The following IFT27 variants were observed in gnomAD, a reference collection of about 807,000 sequenced individuals.
The protein encoded by IFT27 is intraflagellar transport protein 27 homolog.
Under a neutral mutation model 23.9 loss-of-function variants are expected in IFT27, and 19 were observed. The ratio of observed to expected loss-of-function variants is 0.79; its 90% CI spans 0.55 to 1.16. The LOEUF is 1.16. Among genes scored for constraint, IFT27 ranks in the 50% most tolerant of loss-of-function variants. The pLI is 0.00. For missense variants in IFT27, 206 were observed against 228.7 expected, an observed-to-expected ratio of 0.90 and a Z score of 0.64; for synonymous variants, 91 against 89.1, an observed-to-expected ratio of 1.02 and a Z score of -0.12.
At position 36,762,906 on chromosome 22, in the gene IFT27, CG is replaced by C. The variant is rs1938132340; in HGVS notation, c.459del (p.Val154Ter). 1 of 1,563,410 alleles carries C rather than the reference CG, an allele frequency of 6.4e-7. No individual in the cohort carries two copies. Among genetic ancestry groups the C allele is most frequent in the Non-Finnish European group, 8.7e-7 (1 of 1,147,428 alleles). ...ACGAGGCAAGTGGAAATACTCACCA[CG>C]GATGTTTCAAAACATTCCAGGCCCT... Reference protein sequence around the residue: ...LGQGLECFETSVKEMENFEAP... With the variant: ...LGQGLECFETXVKEMENFEAP... On this transcript the variant is annotated frameshift_variant, in exon 6 of 7. Transcript: ENST00000433985. LOFTEE classifies it high-confidence loss of function.
At chr22:36,772,593 C>T (rs1938409200) in intron 1 of IFT27, 3 of 985,378 alleles carry the variant, frequency 3.0e-6, no homozygotes, top group Non-Finnish European at 3.6e-6. Flanking sequence ...AAAGGGCATT[C>T]ACTTTGTGTT....
chr22:36,761,062 CAG>C (rs1491237918), intron 6 of IFT27: 3 of 156,692 alleles, frequency 1.9e-5, no homozygotes, highest in Non-Finnish European at 2.9e-5. Context: ...AGCCTCAACT[CAG>C]GGGGGACTAG....
chr22:36,764,076 GAA>G (rs1429653786), intron 4 of IFT27, 40 bp from the exon 5 acceptor site: 1 of 1,419,974 alleles, frequency 7.0e-7, no homozygotes, highest in Non-Finnish European at 1.0e-6. Flanking sequence ...TCAGTAACAG[GAA>G]AAGTGACTTC....
chr22:36,761,744 G>A (rs1938095743), intron 6 of IFT27: 1 of 152,234 alleles, frequency 6.6e-6, no homozygotes, highest in Non-Finnish European at 1.5e-5. Context: ...ACCATGGGAG[G>A]TCAGAGTGCC....
At chr22:36,766,432 T>C (rs1350282497) in intron 3 of IFT27, 1 of 529,384 alleles carries the variant, frequency 1.9e-6, no homozygotes, top group African/African-American at 1.9e-5. Context: ...GCACTTTCTG[T>C]GTGGAGTCTC....
chr22:36,767,293 A>AG lies in IFT27; in HGVS notation c.174+12dup. 2 of 1,611,774 alleles carry AG rather than the reference A, an allele frequency of 1.2e-6. No homozygotes were observed. Among genetic ancestry groups the AG allele is most frequent in the South Asian group, 2.2e-5 (2 of 91,018 alleles). On this transcript the variant is annotated intron_variant, in intron 3 of 6. Transcript: ENST00000433985. Reference sequence around the variant, plus strand: ...GGGAGCCCTGAGTTCCCCTGGGTAAAGGCATCACTCACCACACTGTCTCCC... The same window carrying AG: ...GGGAGCCCTGAGTTCCCCTGGGTAAAGGGCATCACTCACCACACTGTCTCCC...
intron 1 of IFT27, among the ~76,000 whole-genome samples, chr22:36,771,221 C>T (rs1601501837): frequency 1.3e-5 from 2 of 152,190 alleles, no homozygotes; most frequent in East Asian, 3.9e-4. Context: ...CTTCCCCAGC[C>T]CAAGAGGTGG....
In IFT27 at chr22:36,776,106, C is replaced by T. The variant is rs1601505843; in HGVS notation, c.-399G>A. 4.2e-5 allele frequency: 10 copies of T among 238,322 alleles called. No homozygotes were observed. The South Asian group carries it at 7.2e-4, about 17-fold the overall frequency. 14.8% of individuals were successfully genotyped at this position (238,322 alleles called of 1,614,324 possible). Reference sequence around the variant, plus strand: ...GGGCCGGATGCACTCTCCAAGCAACCATAGCCCACCTGCCCCGCCTCCTCC... The same window carrying T: ...GGGCCGGATGCACTCTCCAAGCAACTATAGCCCACCTGCCCCGCCTCCTCC... On this transcript the variant is annotated 5_prime_UTR_variant, in exon 1 of 7. It removes an upstream start codon present in the reference 5' UTR. Coordinates refer to ENST00000433985, the MANE Select transcript of IFT27 (RefSeq NM_001177701.3).
At chr22:36,768,063 C>G in intron 1 of IFT27, 1 of 686,374 alleles carries the variant, frequency 1.5e-6, no homozygotes, top group Non-Finnish European at 2.7e-6. Context: ...ACAGCCAGAG[C>G]ACACTTCTGC....
intron 1 of IFT27, among the ~76,000 whole-genome samples, chr22:36,772,148 A>G (rs1938398526): frequency 6.6e-6 from 1 of 152,120 alleles, no homozygotes; most frequent in Non-Finnish European, 1.5e-5. Context: ...CTTCATCTTT[A>G]TCTGTGTGGC....
At chr22:36,764,457 TA>T (rs1325427084) in intron 4 of IFT27, among the ~76,000 whole-genome samples, 3 of 152,256 alleles carry the variant, frequency 2.0e-5, no homozygotes, top group Admixed American at 6.5e-5. Context: ...AGTTCTTCTC[TA>T]CCCAACAATC....
rs549372362 is a variant in IFT27, at chr22:36,766,156, C to T, written c.216G>A (p.Ser72=). ...IFDSAGKELF[S]EMLDKLWESP... is the part of the protein sequence containing the mutation. ...TACTTGCCAATTTATCCAGCATTTCCGAAAACAGCTCCTTGCCAGCAGAGT... is the reference window on the plus strand; with the variant it reads ...TACTTGCCAATTTATCCAGCATTTCTGAAAACAGCTCCTTGCCAGCAGAGT... Residue 72 remains serine, a synonymous_variant, in exon 4 of 7, where the codon TCG becomes TCA. Coordinates refer to ENST00000433985, the MANE Select transcript of IFT27 (RefSeq NM_001177701.3). The T allele has an allele frequency of 1.2e-4, 197 of 1,614,118 alleles. 3 individuals are homozygous for T. In the South Asian group the frequency reaches 2.0e-3, roughly 17 times the overall value.
chr22:36,761,243 G>A (rs1339495310), intron 6 of IFT27: 1 of 152,184 alleles, frequency 6.6e-6, no homozygotes, highest in African/African-American at 2.4e-5. Flanking sequence ...TCTATCAAGC[G>A]TTCTAGGGAA....
At position 36,768,326 on chromosome 22, in the gene IFT27, G is replaced by A. The variant is rs563556075; in HGVS notation, c.35-464C>T. The stretch of plus-strand genomic sequence containing the variant: ...TTCCACCTGAATACTTTTTTGTGTG[G>A]GGCGTGGGGGGTGGAAGGGTCTCTG... On this transcript the variant is annotated intron_variant, in intron 1 of 6. Transcript: ENST00000433985. 2.9e-4 allele frequency: 100 copies of A among 342,952 alleles called. 1 individual carries two copies. The highest frequency in any genetic ancestry group is 2.2e-3 in the South Asian group (98 of 44,064). 21.2% of individuals were successfully genotyped at this position (342,952 alleles called of 1,614,324 possible).
chr22:36,776,077 T>C lies in IFT27; in HGVS notation c.-370A>G. ...GATCCGGCTCTCCTCCGATCACAAG[T>C]ACCGGGCCGGATGCACTCTCCAAGC... is the stretch of plus-strand genomic sequence containing the variant. On this transcript the variant is annotated 5_prime_UTR_variant, in exon 1 of 7. Transcript: ENST00000433985. The C allele has an allele frequency of 3.3e-6, 1 of 304,280 alleles. No homozygotes were observed. Among genetic ancestry groups the C allele is most frequent in the South Asian group, 4.7e-5 (1 of 21,406 alleles). 18.8% of individuals were successfully genotyped at this position (304,280 alleles called of 1,614,324 possible).
At chr22:36,760,970 T>C (rs990858484) in intron 6 of IFT27, 1 of 167,110 alleles carries the variant, frequency 6.0e-6, no homozygotes, top group Non-Finnish European at 1.5e-5. Context: ...CGCCAGCCCT[T>C]GGCTGCGTCT....
chr22:36,771,317 C>T (rs1293158841), intron 1 of IFT27, among the ~76,000 whole-genome samples: 1 of 152,230 alleles, frequency 6.6e-6, no homozygotes, highest in Non-Finnish European at 1.5e-5. Context: ...CATTCACATC[C>T]TACTGAAATC....
At chr22:36,773,039 C>T (rs972366399) in intron 1 of IFT27, among the ~76,000 whole-genome samples, 2 of 152,132 alleles carry the variant, frequency 1.3e-5, no homozygotes, top group African/African-American at 2.4e-5. Context: ...GAAAGAACTA[C>T]CCAAGGGAGT....
At chr22:36,765,638 G>A (rs912453527) in intron 4 of IFT27, among the ~76,000 whole-genome samples, 1 of 152,190 alleles carries the variant, frequency 6.6e-6, no homozygotes, top group African/African-American at 2.4e-5. Flanking sequence ...TACAGCAAGT[G>A]GATCCTGCGA....
Sources: gnomAD v4.1 joint callset for allele counts (sites outside exome capture counted in the v4.1 genomes callset) on GRCh38, gnomAD v4.1.1 for gene constraint, MANE v1.5 for transcripts, NCBI Gene and HGNC (gene_info 2026-07-23, HGNC 2026-07-21) for gene names.